TNRC6B: variants seen among roughly 807,000 people sequenced by gnomAD.
TNRC6B encodes the protein trinucleotide repeat-containing gene 6B protein.
Under a neutral mutation model 203.6 loss-of-function variants are expected in TNRC6B, and 52 were observed. The ratio of observed to expected loss-of-function variants is 0.26; its 90% CI spans 0.20 to 0.32. The LOEUF (loss-of-function observed/expected upper bound fraction) is 0.32. Ranked by LOEUF, TNRC6B falls within the 10% of genes least tolerant of loss-of-function variation. The pLI, the probability that TNRC6B is intolerant of heterozygous loss-of-function variation, is 1.00. For synonymous variants in TNRC6B, 838 were observed against 845.7 expected, an observed-to-expected ratio of 0.99 and a Z score of 0.16; for missense variants, 1,923 against 2,286.2, an observed-to-expected ratio of 0.84 and a Z score of 3.24.
intron 3 of TNRC6B, among the ~76,000 whole-genome samples, chr22:40,137,467 A>G (rs2068609561): frequency 6.6e-6 from 1 of 152,232 alleles, no homozygotes; most frequent in Non-Finnish European, 1.5e-5. Flanking sequence ...GTCAGTTTAT[A>G]GAACTATAGA....
chr22:40,095,756 C>G (rs2068182115), intron 1 of TNRC6B, among the ~76,000 whole-genome samples: 1 of 151,182 alleles, frequency 6.6e-6, no homozygotes, highest in Admixed American at 6.6e-5. Context: ...TTCCTTATAC[C>G]TGTGCTTCAT....
intron 1 of TNRC6B, among the ~76,000 whole-genome samples, chr22:40,220,459 G>A (rs2069692568): frequency 6.6e-6 from 1 of 151,870 alleles, no homozygotes; most frequent in Non-Finnish European, 1.5e-5. Context: ...GAGTGACTTA[G>A]ATGGGAGATT....
At chr22:40,315,591 C>A (rs111358619) in intron 20 of TNRC6B, 84 bp downstream of exon 20, 11 of 1,426,576 alleles carry the variant, frequency 7.7e-6, no homozygotes, top group African/African-American at 5.7e-5. Flanking sequence ...ACAAAGAGGT[C>A]TTCCCAAGAG....
chr22:40,273,259 T>C (rs555145530), intron 6 of TNRC6B, among the ~76,000 whole-genome samples, 166 bp from the exon 7 acceptor site: 42 of 152,336 alleles, frequency 2.8e-4, no homozygotes, highest in African/African-American at 9.4e-4. Context: ...CTTTATGGAT[T>C]TTAGTTTCCT....
At chr22:40,175,964 G>A (rs927790128), upstream of TNRC6B, among the ~76,000 whole-genome samples, 11 of 152,282 alleles carry the variant, frequency 7.2e-5, no homozygotes, top group Admixed American at 5.2e-4. Context: ...ACAAGCATTC[G>A]TAGGTTCCTT....
At chr22:40,200,278 C>CTTTTT (rs59067007) in intron 1 of TNRC6B, among the ~76,000 whole-genome samples, 984 of 75,504 alleles carry the variant, frequency 0.013, 140 homozygotes, top group African/African-American at 0.022. Flanking sequence ...AAGTAATATT[C>CTTTTT]TTTTTTTTTT....
At chr22:40,249,966 G>C (rs762018052) in intron 2 of TNRC6B, among the ~76,000 whole-genome samples, 7 of 152,222 alleles carry the variant, frequency 4.6e-5, no homozygotes, top group Non-Finnish European at 7.3e-5. Context: ...TTTAGAGTCT[G>C]ATGGTGTGCT....
chr22:40,233,188 T>A (rs1461708562), intron 1 of TNRC6B, among the ~76,000 whole-genome samples: 1 of 151,800 alleles, frequency 6.6e-6, no homozygotes. Flanking sequence ...CCAGGTGTGG[T>A]GCCTCGTTCC....
chr22:40,285,640 T>A lies in TNRC6B; in HGVS notation c.3583-5T>A, dbSNP rs751973203. 19 of 1,609,170 alleles carry A rather than the reference T, an allele frequency of 1.2e-5. No homozygotes were observed. The highest frequency in any genetic ancestry group is 1.6e-5 in the Non-Finnish European group (19 of 1,178,774). On this transcript the variant is annotated splice_region_variant and splice_polypyrimidine_tract_variant and intron_variant, in intron 11 of 22. Transcript: ENST00000454349. Reference sequence around the variant, plus strand: ...AAAGCCTTACTGCTGCTTTTCTGTTTACAGGGCGGTAGTCATGGTTTGTTT... The same window carrying A: ...AAAGCCTTACTGCTGCTTTTCTGTTAACAGGGCGGTAGTCATGGTTTGTTT...
At chr22:40,245,924 T>C in intron 1 of TNRC6B, 91 bp from the exon 2 acceptor site, 2 of 901,588 alleles carry the variant, frequency 2.2e-6, no homozygotes, top group South Asian at 3.8e-5. Context: ...TGAAATGTCG[T>C]CTTGCCCACC....
intron 1 of TNRC6B, among the ~76,000 whole-genome samples, chr22:40,112,774 GTGAA>G (rs2068350776): frequency 6.6e-6 from 1 of 152,192 alleles, no homozygotes; most frequent in South Asian, 2.1e-4. Context: ...TGATTAATAA[GTGAA>G]TGAGAAATTA....
rs2146547567 is a variant in TNRC6B, at chr22:40,300,437, T to C, written c.3709-18T>C. ...GAAGATTCCTTTTCTTTTCTTTCTT[T>C]TTTATTTTTTTGGCTAGGTTTCTGC... On this transcript the variant is annotated intron_variant, in intron 12 of 22. Transcript: ENST00000454349. The C allele has an allele frequency of 6.5e-7, 1 of 1,530,624 alleles. No individual in the cohort carries two copies. Among genetic ancestry groups the C allele is most frequent in the East Asian group, 2.3e-5 (1 of 42,896 alleles). 94.8% of individuals were successfully genotyped at this position (1,530,624 alleles called of 1,614,324 possible). A position where few individuals can be genotyped will look rare whatever the true frequency, so the allele number is the denominator to read the frequency against.
intron 11 of TNRC6B, among the ~76,000 whole-genome samples, chr22:40,283,687 T>C (rs1249991011): frequency 2.6e-5 from 4 of 152,162 alleles, no homozygotes; most frequent in African/African-American, 7.2e-5. Flanking sequence ...TAGTGCTTTG[T>C]GTGGCTGTAG....
At chr22:40,052,729 G>A (rs1382590649) in intron 1 of TNRC6B, among the ~76,000 whole-genome samples, 2 of 152,058 alleles carry the variant, frequency 1.3e-5, no homozygotes, top group East Asian at 1.9e-4. Context: ...GATTACAGGC[G>A]TGAGCCACCA....
intron 3 of TNRC6B, among the ~76,000 whole-genome samples, chr22:40,251,899 A>T (rs1401936327): frequency 6.6e-6 from 1 of 152,174 alleles, no homozygotes. Flanking sequence ...TGCACCTAGG[A>T]TGTTTACTCT....
Position 40,330,025 on chromosome 22 carries a change from G to A in TNRC6B, c.*6784G>A, listed in dbSNP as rs999214665. The A allele has an allele frequency of 1.3e-5, 2 of 152,130 alleles. No homozygotes were observed. The highest frequency in any genetic ancestry group is 2.9e-5 in the Non-Finnish European group (2 of 68,034). The allele number at this position is 152,130 out of a possible 1,614,324, so 9.4% of individuals were successfully genotyped here. On this transcript the variant is annotated 3_prime_UTR_variant, in exon 23 of 23. Transcript: ENST00000454349. ...GGGAGGGGAAAGATCAGATAAATAG[G>A]CAAGAAGTACTCTGTTTTAAATAAA...
chr22:40,207,478 G>A (rs2069497590), intron 1 of TNRC6B, among the ~76,000 whole-genome samples: 1 of 147,248 alleles, frequency 6.8e-6, no homozygotes, highest in Non-Finnish European at 1.5e-5. Context: ...GAATGAAAAA[G>A]TTGATACATG....
chr22:40,316,280 G>C (rs1402033266), intron 21 of TNRC6B, among the ~76,000 whole-genome samples: 1 of 151,966 alleles, frequency 6.6e-6, no homozygotes, highest in African/African-American at 2.4e-5. Flanking sequence ...CGTGAACCCG[G>C]GAGGCGGAGC....
chr22:40,276,038 T>A (rs1409842766), intron 7 of TNRC6B, among the ~76,000 whole-genome samples: 2 of 150,720 alleles, frequency 1.3e-5, no homozygotes, highest in Non-Finnish European at 3.0e-5. Flanking sequence ...TCAAGGATAA[T>A]AAAATTGATT....
Sources: allele counts gnomAD v4.1 joint callset (sites outside exome capture counted in the v4.1 genomes callset), GRCh38; gene constraint gnomAD v4.1.1; transcripts MANE v1.5; gene names NCBI Gene and HGNC (gene_info 2026-07-23, HGNC 2026-07-21).